The following KDM5C variants were observed in gnomAD, a reference collection of about 807,000 sequenced individuals.
KDM5C encodes the protein lysine demethylase 5C.
A neutral mutation model predicts 110.6 loss-of-function variants in KDM5C; 16 were observed. The ratio of observed to expected loss-of-function variants is 0.14; its 90% CI spans 0.10 to 0.22. KDM5C has a LOEUF of 0.22. Ranked by LOEUF, KDM5C falls within the 10% of genes least tolerant of loss-of-function variation. KDM5C has a pLI of 1.00. For synonymous variants in KDM5C, 511 were observed against 520.4 expected (o/e 0.98, Z 0.24); for missense variants, 681 against 1,300.9 (o/e 0.52, Z 7.33).
At chrX:53,205,594 C>T (rs1388336637) in intron 12 of KDM5C, among the ~76,000 whole-genome samples, 1 of 112,434 alleles carries the variant, frequency 8.9e-6, no homozygotes, top group Non-Finnish European at 1.9e-5. Context: ...GACAGGTAAA[C>T]TCTTACTCTT....
At chrX:53,198,376 C>T in intron 17 of KDM5C, 114 bp downstream of exon 17, 2 of 961,933 alleles carry the variant, frequency 2.1e-6, no homozygotes, top group Non-Finnish European at 2.9e-6. Context: ...CTGGCAGCTT[C>T]CTGCTGATGT....
At chrX:53,196,121 C>T in intron 19 of KDM5C, 67 bp from the exon 20 acceptor site, 3 of 1,141,503 alleles carry the variant, frequency 2.6e-6, no homozygotes, top group Non-Finnish European at 3.6e-6. Flanking sequence ...CCAGCCTGAC[C>T]ACCAGATATA....
rs782122562 is a variant in KDM5C at position 53,203,400 on chromosome X, T to G, written c.1747-1427A>C. 3.6e-5 allele frequency among the ~76,000 whole-genome samples: 4 copies of G among 111,859 alleles called. No individual in the cohort carries two copies. The East Asian group carries it at 1.1e-3, about 31-fold the overall frequency. ...GTTCTCCAGTTCAGGGAAATTTTCTTGAGTGATTTCATTAATGATTTCATC... is the reference window on the plus strand; with the variant it reads ...GTTCTCCAGTTCAGGGAAATTTTCTGGAGTGATTTCATTAATGATTTCATC... On this transcript the variant is annotated intron_variant, in intron 12 of 25. Transcript: ENST00000375401.
chrX:53,211,551 A>G lies in KDM5C; in HGVS notation c.1347T>C (p.Phe449=), dbSNP rs782168174. Residue 449 remains phenylalanine, a synonymous_variant, in exon 10 of 26, where the codon TTT becomes TTC. Transcript: ENST00000375401. ...EYGADIHSKE[F]GSGFPVSDSK... ...TGTCACTGACAGGGAAACCGCTGCC[A>G]AATTCTTTGGAATGGATGTCAGCTC... 4 of 1,210,394 alleles carry G rather than the reference A, an allele frequency of 3.3e-6. No individual in the cohort carries two copies. Among genetic ancestry groups the G allele is most frequent in the Non-Finnish European group, 3.4e-6 (3 of 895,266 alleles).
intron 10 of KDM5C, among the ~76,000 whole-genome samples, 187 bp downstream of exon 10, chrX:53,211,310 C>T (rs2073550199): frequency 8.9e-6 from 1 of 111,967 alleles, no homozygotes; most frequent in African/African-American, 3.2e-5. Flanking sequence ...CTCACAGAGG[C>T]GAAAGAACCC....
At chrX:53,222,756 G>A (rs1300792558) in intron 1 of KDM5C, among the ~76,000 whole-genome samples, 1 of 111,310 alleles carries the variant, frequency 9.0e-6, no homozygotes, top group Non-Finnish European at 1.9e-5. Context: ...AAACTCCACT[G>A]GGTCTACTCA....
chrX:53,202,030 T>C (rs782278793), intron 12 of KDM5C, 57 bp from the exon 13 acceptor site: 62 of 1,183,021 alleles, frequency 5.2e-5, no homozygotes, highest in Non-Finnish European at 7.0e-5. Context: ...TATACAGACC[T>C]GACTTAAGTG....
intron 1 of KDM5C, among the ~76,000 whole-genome samples, chrX:53,222,206 C>G (rs1209368545): frequency 2.7e-5 from 3 of 109,733 alleles, no homozygotes; most frequent in Non-Finnish European, 5.7e-5. Context: ...GGGGGAGAGA[C>G]AGTGAAAGAG....
intron 25 of KDM5C, among the ~76,000 whole-genome samples, chrX:53,184,217 G>A (rs1934153943): frequency 9.0e-6 from 1 of 111,144 alleles, no homozygotes; most frequent in East Asian, 2.8e-4. Context: ...TTGCAACTTT[G>A]CTGAATTTAT....
intron 8 of KDM5C, among the ~76,000 whole-genome samples, chrX:53,213,543 CCCTTACTGCTGCTTCAGCTGCTCT>C (rs2073646435): frequency 9.0e-6 from 1 of 111,285 alleles, no homozygotes; most frequent in South Asian, 3.8e-4. Flanking sequence ...GGCTGCTTGG[CCCTTACTGCTGCTTCAGCTGCTCT>C]CCTTACTGCC....
intron 1 of KDM5C, among the ~76,000 whole-genome samples, chrX:53,222,193 C>CGG (rs1277962741): frequency 1.8e-5 from 2 of 109,084 alleles, no homozygotes; most frequent in African/African-American, 6.7e-5. Flanking sequence ...TACACGTGGG[C>CGG]GGGGGGGAGA....
intron 10 of KDM5C, 77 bp downstream of exon 10, chrX:53,211,420 G>C (rs1312570087): frequency 6.0e-6 from 6 of 1,005,135 alleles, no homozygotes; most frequent in Non-Finnish European, 5.6e-6. Context: ...ATCTTACAGA[G>C]ATACTGAGTT....
chrX:53,197,776 C>T lies in KDM5C; in HGVS notation c.2617G>A (p.Val873Ile), dbSNP rs1556838579. Reference protein sequence around the residue: ...LPCAMHQIGDVKGVLEQVEAY... With the variant: ...LPCAMHQIGDIKGVLEQVEAY... Reference sequence around the variant, plus strand: ...AGCACTCCAAGCGTCCTCACCTTGACATCCCCAATCTGGTGCATGGCGCAA... The same window carrying T: ...AGCACTCCAAGCGTCCTCACCTTGATATCCCCAATCTGGTGCATGGCGCAA... Residue 873 changes from valine to isoleucine, a missense_variant, in exon 18 of 26, where the codon GTC becomes ATC. Transcript: ENST00000375401. 1 of 1,201,292 alleles carries T rather than the reference C, an allele frequency of 8.3e-7. No homozygotes were observed. Among genetic ancestry groups the T allele is most frequent in the South Asian group, 1.8e-5 (1 of 55,299 alleles).
intron 12 of KDM5C, among the ~76,000 whole-genome samples, chrX:53,208,712 C>T (rs1308378589): frequency 3.8e-5 from 4 of 105,488 alleles, no homozygotes; most frequent in Non-Finnish European, 7.8e-5. Context: ...ACCATGTTGG[C>T]CAGGCTGGTC....
chrX:53,224,612 C>A, intron 1 of KDM5C, 128 bp downstream of exon 1: 2 of 859,591 alleles, frequency 2.3e-6, no homozygotes, highest in Non-Finnish European at 3.3e-6. Context: ...CGATCCGCGC[C>A]GCAACCACAA....
chrX:53,214,675 T>C lies in KDM5C; in HGVS notation c.1122+14A>G, dbSNP rs1556850730. The C allele has an allele frequency of 8.3e-7, 1 of 1,198,431 alleles. No individual in the cohort carries two copies. The highest frequency in any genetic ancestry group is 1.8e-5 in the African/African-American group (1 of 56,470). Reference sequence around the variant, plus strand: ...GAAGCCCTATGAGGCAGATGTGGAGTGGGGAGGCCTTACCGCCATGACACA... The same window carrying C: ...GAAGCCCTATGAGGCAGATGTGGAGCGGGGAGGCCTTACCGCCATGACACA... On this transcript the variant is annotated intron_variant, in intron 8 of 25. Coordinates refer to ENST00000375401, the MANE Select transcript of KDM5C (RefSeq NM_004187.5).
At chrX:53,204,027 G>A (rs984305564) in intron 12 of KDM5C, among the ~76,000 whole-genome samples, 1 of 111,411 alleles carries the variant, frequency 9.0e-6, no homozygotes, top group African/African-American at 3.3e-5. Flanking sequence ...ACAGGCGTGA[G>A]CCACTGCACC....
intron 25 of KDM5C, among the ~76,000 whole-genome samples, chrX:53,183,305 A>G (rs1177394097): frequency 9.6e-6 from 1 of 104,708 alleles, no homozygotes; most frequent in Admixed American, 1.0e-4. Flanking sequence ...GTGTATTGGC[A>G]CATGCCTTTT....
intron 10 of KDM5C, 82 bp downstream of exon 10, chrX:53,211,415 A>T: frequency 1.0e-6 from 1 of 987,145 alleles, no homozygotes; most frequent in Non-Finnish European, 1.4e-6. Context: ...TCCTCATCTT[A>T]CAGAGATACT....
Sources: gnomAD v4.1 joint callset for allele counts (sites outside exome capture counted in the v4.1 genomes callset) on GRCh38, gnomAD v4.1.1 for gene constraint, MANE v1.5 for transcripts, NCBI Gene and HGNC (gene_info 2026-07-23, HGNC 2026-07-21) for gene names.